Variants in GAGE12J observed in about 807,000 individuals in gnomAD.
The protein encoded by GAGE12J is G antigen 12J.
In GAGE12J, 5 loss-of-function variants were observed where a neutral mutation model predicts 8.5. The observed-to-expected ratio is 0.59, with a 90% CI of 0.31 to 1.24. The LOEUF (loss-of-function observed/expected upper bound fraction) is 1.24, where lower values mean the gene tolerates loss of function less well. GAGE12J is among the 50% of genes most tolerant of loss of function. The pLI is 0.06. For missense variants in GAGE12J, 26 were observed against 63.0 expected (o/e 0.41, Z 1.99); for synonymous variants, 10 against 19.2 (o/e 0.52, Z 1.25).
In GAGE12J at chrX:49,328,091, T is replaced by C. The variant is rs6609881; in HGVS notation, c.332-1180T>C. Among the ~76,000 whole-genome samples the C allele has an allele frequency of 2.7e-5, 2 of 72,826 alleles. 1 individual carries two copies. Among genetic ancestry groups the C allele is most frequent in the Non-Finnish European group, 6.9e-5 (2 of 28,834 alleles). The allele number at this position is 72,826 out of a possible 115,157, so 63.2% of individuals were successfully genotyped here. On this transcript the variant is annotated intron_variant, in intron 4 of 4. Coordinates refer to ENST00000442437, the MANE Select transcript of GAGE12J (RefSeq NM_001098406.4). ...TTAATGAACAATTGCTTCTTTTTTT[T>C]CTTTTATTTATTTATTTATTTATTT...
chrX:49,328,353 C>T (rs2066452576), intron 4 of GAGE12J, among the ~76,000 whole-genome samples: 1 of 54,026 alleles, frequency 1.9e-5, no homozygotes, highest in African/African-American at 4.2e-5. Context: ...TGAGAATATG[C>T]GGTGTTTGGT....
intron 1 of GAGE12J, among the ~76,000 whole-genome samples, chrX:49,322,469 G>T (rs5952530): frequency 9.3e-6 from 1 of 107,168 alleles, no homozygotes; most frequent in Non-Finnish European, 2.0e-5. Flanking sequence ...TGGGGCCTCC[G>T]GCGGGGGCGA....
intron 4 of GAGE12J, among the ~76,000 whole-genome samples, chrX:49,327,850 C>G (rs1486340939): frequency 1.6e-4 from 4 of 24,545 alleles, no homozygotes; most frequent in Admixed American, 7.2e-4. Context: ...TGTTTGTTTG[C>G]GACAGAGTCT....
intron 1 of GAGE12J, among the ~76,000 whole-genome samples, chrX:49,322,346 G>T (rs1374576587): frequency 9.4e-6 from 1 of 106,263 alleles, no homozygotes; most frequent in Non-Finnish European, 2.0e-5. Context: ...AGGAAGGTGG[G>T]CCGTGGAGGG....
intron 4 of GAGE12J, among the ~76,000 whole-genome samples, chrX:49,328,471 T>C (rs2066453153): frequency 1.2e-5 from 1 of 81,980 alleles, no homozygotes; most frequent in African/African-American, 3.7e-5. Context: ...TATTCCATGG[T>C]GTATATGTGC....
chrX:49,323,516 T>C (rs2066430940), intron 2 of GAGE12J, among the ~76,000 whole-genome samples: 2 of 99,877 alleles, frequency 2.0e-5, no homozygotes, highest in African/African-American at 6.9e-5. Flanking sequence ...TGTACACATG[T>C]ATTCCAACAC....
intron 1 of GAGE12J, among the ~76,000 whole-genome samples, chrX:49,322,369 G>A (rs1313357640): frequency 9.3e-6 from 1 of 107,833 alleles, no homozygotes; most frequent in African/African-American, 3.3e-5. Flanking sequence ...GGCGGTCAGG[G>A]GCTCAGGTGA....
chrX:49,322,539 C>A (rs782412937), intron 1 of GAGE12J, among the ~76,000 whole-genome samples: 1 of 97,961 alleles, frequency 1.0e-5, no homozygotes, highest in East Asian at 3.1e-4. Flanking sequence ...GAGCGCCCCC[C>A]CCAGCGGTGT....
chrX:49,322,465 C>T (rs1431543466), intron 1 of GAGE12J, among the ~76,000 whole-genome samples: 9 of 107,461 alleles, frequency 8.4e-5, no homozygotes, highest in African/African-American at 3.0e-4. Context: ...TGAATGGGGC[C>T]TCCGGCGGGG....
chrX:49,322,361 C>T (rs1253539769), intron 1 of GAGE12J, among the ~76,000 whole-genome samples: 4 of 105,258 alleles, frequency 3.8e-5, no homozygotes, highest in East Asian at 3.0e-4. Context: ...GGAGGGGAGG[C>T]GGTCAGGGGC....
At chrX:49,324,683 C>T (rs1333840769) in intron 3 of GAGE12J, among the ~76,000 whole-genome samples, 3 of 62,029 alleles carry the variant, frequency 4.8e-5, no homozygotes, top group Non-Finnish European at 7.9e-5. Context: ...ATTCTCAGTG[C>T]GGGACAGTAT....
At chrX:49,322,635 G>A (rs2066424832) in intron 1 of GAGE12J, among the ~76,000 whole-genome samples, 1 of 92,233 alleles carries the variant, frequency 1.1e-5, no homozygotes, top group Non-Finnish European at 2.4e-5. Flanking sequence ...GAGTGGGCGA[G>A]GCAGTGCGGT....
At chrX:49,325,576 G>A (rs1195294887) in intron 3 of GAGE12J, among the ~76,000 whole-genome samples, 130 of 79,031 alleles carry the variant, frequency 1.6e-3, no homozygotes, top group African/African-American at 4.2e-3. Context: ...GTCTCTTACC[G>A]TGCTGCCCAC....
Position 49,323,361 on chromosome X carries a change from C to A in GAGE12J, c.84+84C>A, listed in dbSNP as rs1272065553. On this transcript the variant is annotated intron_variant, in intron 2 of 4. Transcript: ENST00000442437. ...GCGTTGTTGCATTAGTGTGGAAATG[C>A]TGATAAAGGTCTTTCCTGCTCATAA... The A allele has an allele frequency of 9.9e-5, 67 of 679,793 alleles. 2 individuals are homozygous for A. The highest frequency in any genetic ancestry group is 1.4e-4 in the Non-Finnish European group (64 of 452,176). The allele number at this position is 679,793 out of a possible 1,213,427, so 56.0% of individuals were successfully genotyped here. A position where few individuals can be genotyped will look rare whatever the true frequency, so the allele number is the denominator to read the frequency against.
rs6609883 is a variant in GAGE12J, at chrX:49,328,193, T to G, written c.332-1078T>G. 9.3e-3 allele frequency among the ~76,000 whole-genome samples: 666 copies of G among 71,437 alleles called. 12 individuals carry two copies. The highest frequency in any genetic ancestry group is 0.023 in the African/African-American group (583 of 25,374). 62.0% of individuals were successfully genotyped at this position (71,437 alleles called of 115,157 possible). A position where few individuals can be genotyped will look rare whatever the true frequency, so the allele number is the denominator to read the frequency against. ...ACATATGTATACATGTGCCATGCTGTTGCACTGCACCCACTATCTCATCAT... is the reference window on the plus strand; with the variant it reads ...ACATATGTATACATGTGCCATGCTGGTGCACTGCACCCACTATCTCATCAT... On this transcript the variant is annotated intron_variant, in intron 4 of 4. Transcript: ENST00000442437.
Position 49,322,463 on chromosome X carries a change from G to T in GAGE12J, c.-9+319G>T, listed in dbSNP as rs1391337234. Among the ~76,000 whole-genome samples the T allele has an allele frequency of 3.3e-4, 36 of 107,669 alleles. 2 individuals are homozygous for T. Among genetic ancestry groups the T allele is most frequent in the African/African-American group, 1.2e-3 (36 of 30,318 alleles). 93.5% of individuals were successfully genotyped at this position (107,669 alleles called of 115,157 possible). On this transcript the variant is annotated intron_variant, in intron 1 of 4. Coordinates refer to ENST00000442437, the MANE Select transcript of GAGE12J (RefSeq NM_001098406.4). Reference sequence around the variant, plus strand: ...ACACAGGGCAGATTCCCTGAATGGGGCCTCCGGCGGGGGCGAGGCGGGCGG... The same window carrying T: ...ACACAGGGCAGATTCCCTGAATGGGTCCTCCGGCGGGGGCGAGGCGGGCGG...
At chrX:49,328,108 T>A (rs2066451108) in intron 4 of GAGE12J, among the ~76,000 whole-genome samples, 2 of 74,992 alleles carry the variant, frequency 2.7e-5, no homozygotes, top group Admixed American at 1.5e-4. Flanking sequence ...TTTATTTATT[T>A]ATTTATTTAT....
At position 49,323,235 on chromosome X, in the gene GAGE12J, A is replaced by G; in HGVS notation, c.42A>G (p.Pro14=). The stretch of plus-strand genomic sequence containing the variant: ...GATCGACCTATTATTGGCCTAGACC[A>G]AGACCCTATGTACAGCCTCCTGAAA... ...RGRSTYYWPR[P]RPYVQPPEMI... Residue 14 remains proline, a synonymous_variant, in exon 2 of 5, where the codon CCA becomes CCG. Coordinates refer to ENST00000442437, the MANE Select transcript of GAGE12J (RefSeq NM_001098406.4). The G allele has an allele frequency of 1.7e-6, 2 of 1,147,722 alleles. No individual in the cohort carries two copies. Among genetic ancestry groups the G allele is most frequent in the African/African-American group, 1.8e-5 (1 of 56,901 alleles). The allele number at this position is 1,147,722 out of a possible 1,213,427, so 94.6% of individuals were successfully genotyped here.
chrX:49,327,682 C>A (rs1488247983), intron 4 of GAGE12J, among the ~76,000 whole-genome samples: 6 of 1,289 alleles, frequency 4.7e-3, no homozygotes, highest in Admixed American at 0.025. Flanking sequence ...AATCATGAAA[C>A]CCTGGCCCGA....
Sources: allele counts gnomAD v4.1 joint callset (sites outside exome capture counted in the v4.1 genomes callset), GRCh38; gene constraint gnomAD v4.1.1; transcripts MANE v1.5; gene names NCBI Gene and HGNC (gene_info 2026-07-23, HGNC 2026-07-21).